The following ARRDC3 variants were observed in gnomAD, a reference collection of about 807,000 sequenced individuals.
The protein encoded by ARRDC3 is arrestin domain-containing protein 3.
Under a neutral mutation model 47.2 loss-of-function variants are expected in ARRDC3, and 10 were observed. The ratio of observed to expected loss-of-function variants is 0.21; its 90% CI spans 0.13 to 0.36. The LOEUF is 0.36. Ranked by LOEUF, ARRDC3 falls within the 10% of genes least tolerant of loss-of-function variation. ARRDC3 has a pLI of 1.00. For synonymous variants in ARRDC3, 156 were observed against 178.3 expected (o/e 0.87, Z 1.00); for missense variants, 381 against 503.6 (o/e 0.76, Z 2.33).
intron 3 of ARRDC3, 43 bp from the exon 4 acceptor site, chr5:91,375,656 G>A (rs1799284439): frequency 1.5e-6 from 2 of 1,303,510 alleles, no homozygotes; most frequent in South Asian, 1.4e-5. Context: ...TGTATGGATT[G>A]GTACAATCAA....
In ARRDC3 at chr5:91,383,118, T is replaced by C. The variant is rs368518703; in HGVS notation, c.-26A>G. Reference sequence around the variant, plus strand: ...GTTTATAACAAAATCTATAAAAATATAATGTAAGACAAAAAAGTCAAGATC... The same window carrying C: ...GTTTATAACAAAATCTATAAAAATACAATGTAAGACAAAAAAGTCAAGATC... On this transcript the variant is annotated 5_prime_UTR_variant, in exon 1 of 8. Coordinates refer to ENST00000265138, the MANE Select transcript of ARRDC3 (RefSeq NM_020801.4). The C allele has an allele frequency of 1.2e-5, 18 of 1,555,940 alleles. No homozygotes were observed. The highest frequency in any genetic ancestry group is 9.7e-5 in the South Asian group (8 of 82,406).
At position 91,369,874 on chromosome 5, in the gene ARRDC3, C is replaced by T. The variant is rs187333080; in HGVS notation, c.*1526G>A. 6.6e-6 allele frequency: 1 copy of T among 152,226 alleles called. No homozygotes were observed. Among genetic ancestry groups the T allele is most frequent in the East Asian group, 1.9e-4 (1 of 5,182 alleles). 9.4% of individuals were successfully genotyped at this position (152,226 alleles called of 1,614,324 possible). A position where few individuals can be genotyped will look rare whatever the true frequency, so the allele number is the denominator to read the frequency against. On this transcript the variant is annotated 3_prime_UTR_variant, in exon 8 of 8. Transcript: ENST00000265138. ...AACAGAAAATTACCTTTAATATAAA[C>T]TATAACTTACTGATGTGATTGTTCT... is the stretch of plus-strand genomic sequence containing the variant.
chr5:91,377,972 C>T (rs1398131544), intron 2 of ARRDC3, among the ~76,000 whole-genome samples: 3 of 152,062 alleles, frequency 2.0e-5, no homozygotes, highest in African/African-American at 7.2e-5. Context: ...ATAATCACCA[C>T]AAGTGCCATT....
chr5:91,373,079 G>A (rs1799216529), intron 7 of ARRDC3, among the ~76,000 whole-genome samples: 1 of 152,098 alleles, frequency 6.6e-6, no homozygotes, highest in Non-Finnish European at 1.5e-5. Flanking sequence ...CTTCTCAAAT[G>A]AGCTGTGCAT....
At chr5:91,375,327 T>C (rs1180397232) in intron 4 of ARRDC3, 149 bp from the exon 5 acceptor site, 2 of 957,988 alleles carry the variant, frequency 2.1e-6, no homozygotes, top group Non-Finnish European at 3.0e-6. Context: ...AGAAATGAAC[T>C]AATCAGTAGC....
rs1288249767 is a variant in ARRDC3 at position 91,368,750 on chromosome 5, A to T, written c.*2650T>A. 2.0e-5 allele frequency: 3 copies of T among 152,644 alleles called. No homozygotes were observed. Among genetic ancestry groups the T allele is most frequent in the Non-Finnish European group, 4.4e-5 (3 of 68,040 alleles). 9.5% of individuals were successfully genotyped at this position (152,644 alleles called of 1,614,324 possible). On this transcript the variant is annotated 3_prime_UTR_variant, in exon 8 of 8. Coordinates refer to ENST00000265138, the MANE Select transcript of ARRDC3 (RefSeq NM_020801.4). ...TATACAAAACAGAAAAAAACAAAAC[A>T]CTTTATTTTCCACAAGGAAGAGCAA... is the stretch of plus-strand genomic sequence containing the variant.
Position 91,375,115 on chromosome 5 carries a change from G to A in ARRDC3, c.677C>T (p.Ala226Val). Reference protein sequence around the residue: ...NCSSRMVVPKAAIYQTQAFYA... With the variant: ...NCSSRMVVPKVAIYQTQAFYA... ...GAAGGCCTGTGTTTGGTAAATGGCT[G>A]CCTTTGGCACCACCATTCGGGAAGA... The change falls in exon 5 of 8, where the codon GCA becomes GTA. Residue 226 changes from alanine to valine, a missense_variant. Ala to Val is a moderately conservative substitution (Grantham distance 64). Coordinates refer to ENST00000265138, the MANE Select transcript of ARRDC3 (RefSeq NM_020801.4). 1.2e-6 allele frequency: 2 copies of A among 1,614,088 alleles called. No individual in the cohort carries two copies. Among genetic ancestry groups the A allele is most frequent in the South Asian group, 1.1e-5 (1 of 91,084 alleles).
chr5:91,379,444 A>G (rs894850825), intron 1 of ARRDC3, among the ~76,000 whole-genome samples: 1 of 152,184 alleles, frequency 6.6e-6, no homozygotes, highest in African/African-American at 2.4e-5. Context: ...TGCATAAACT[A>G]TACCTTAGAT....
At chr5:91,379,407 C>G (rs1470737114) in intron 1 of ARRDC3, among the ~76,000 whole-genome samples, 3 of 150,958 alleles carry the variant, frequency 2.0e-5, no homozygotes, top group Non-Finnish European at 4.4e-5. Flanking sequence ...TCACAACACT[C>G]AGTTGGTCCT....
Position 91,368,764 on chromosome 5 carries a change from A to C in ARRDC3, c.*2636T>G, listed in dbSNP as rs1300024429. 6.6e-6 allele frequency: 1 copy of C among 152,658 alleles called. No individual in the cohort carries two copies. Among genetic ancestry groups the C allele is most frequent in the African/African-American group, 2.4e-5 (1 of 41,456 alleles). 9.5% of individuals were successfully genotyped at this position (152,658 alleles called of 1,614,324 possible). A position where few individuals can be genotyped will look rare whatever the true frequency, so the allele number is the denominator to read the frequency against. ...AAAAACAAAACACTTTATTTTCCAC[A>C]AGGAAGAGCAATAGGAAAAATTAAA... On this transcript the variant is annotated 3_prime_UTR_variant, in exon 8 of 8. Coordinates refer to ENST00000265138, the MANE Select transcript of ARRDC3 (RefSeq NM_020801.4).
intron 5 of ARRDC3, among the ~76,000 whole-genome samples, chr5:91,374,551 A>C (rs1799255567): frequency 6.6e-6 from 1 of 152,164 alleles, no homozygotes; most frequent in Non-Finnish European, 1.5e-5. Flanking sequence ...AAACTATGTC[A>C]TAACTTTAAG....
At chr5:91,382,680 A>C in intron 1 of ARRDC3, 133 bp downstream of exon 1, 1 of 1,010,692 alleles carries the variant, frequency 9.9e-7, no homozygotes, top group East Asian at 2.4e-5. Context: ...GGAGAATCCA[A>C]ACCTTCCAAC....
At chr5:91,373,201 A>AT (rs982420242) in intron 7 of ARRDC3, among the ~76,000 whole-genome samples, 36 of 152,334 alleles carry the variant, frequency 2.4e-4, no homozygotes, top group African/African-American at 8.7e-4. Context: ...GCTGCCATCA[A>AT]TATGAGATGA....
rs756630990 is a variant in ARRDC3, at chr5:91,375,133, C to T, written c.659G>A (p.Arg220Gln). ...IFAEIENCSS[R>Q]MVVPKAAIYQ... is the part of the protein sequence containing the mutation. ...AATGGCTGCCTTTGGCACCACCATT[C>T]GGGAAGAGCAGTTCTCAATCTCAGC... The change falls in exon 5 of 8, where the codon CGA (arginine) becomes CAA (glutamine). Residue 220 changes from arginine to glutamine, a missense_variant. Physicochemically the swap from Arg to Gln is conservative, Grantham distance 43. Coordinates refer to ENST00000265138, the MANE Select transcript of ARRDC3 (RefSeq NM_020801.4). 3 of 1,613,836 alleles carry T rather than the reference C, an allele frequency of 1.9e-6. No individual in the cohort carries two copies. Among genetic ancestry groups the T allele is most frequent in the Non-Finnish European group, 2.5e-6 (3 of 1,179,996 alleles).
At chr5:91,381,775 A>G (rs1799462611) in intron 1 of ARRDC3, among the ~76,000 whole-genome samples, 1 of 152,216 alleles carries the variant, frequency 6.6e-6, no homozygotes, top group African/African-American at 2.4e-5. Context: ...TTAACATTAT[A>G]TTCTTCTTGG....
In ARRDC3 at chr5:91,370,858, T is replaced by C. The variant is rs1311501186; in HGVS notation, c.*542A>G. The C allele has an allele frequency of 6.6e-6, 1 of 152,574 alleles. No homozygotes were observed. The highest frequency in any genetic ancestry group is 1.5e-5 in the Non-Finnish European group (1 of 68,138). 9.5% of individuals were successfully genotyped at this position (152,574 alleles called of 1,614,324 possible). On this transcript the variant is annotated 3_prime_UTR_variant, in exon 8 of 8. Coordinates refer to ENST00000265138, the MANE Select transcript of ARRDC3 (RefSeq NM_020801.4). The stretch of plus-strand genomic sequence containing the variant: ...TCAGCCTAGTAGACAATTCTGAGCA[T>C]GTGCATACGCAGGTAAAGTCCAGGC...
chr5:91,382,061 C>G (rs370571041), intron 1 of ARRDC3, among the ~76,000 whole-genome samples: 162 of 152,274 alleles, frequency 1.1e-3, no homozygotes, highest in African/African-American at 3.8e-3. Flanking sequence ...GTGCCCTATA[C>G]TTTTCAATTC....
At chr5:91,374,331 A>G in intron 5 of ARRDC3, 55 bp from the exon 6 acceptor site, 1 of 1,485,392 alleles carries the variant, frequency 6.7e-7, no homozygotes, top group Non-Finnish European at 9.2e-7. Flanking sequence ...TTTCCTTTTC[A>G]AAAACTCATA....
rs1368273769 is a variant in ARRDC3 at position 91,376,604 on chromosome 5, A to T, written c.510+17T>A. 13 of 1,582,642 alleles carry T rather than the reference A, an allele frequency of 8.2e-6. No individual in the cohort carries two copies. Among genetic ancestry groups the T allele is most frequent in the Non-Finnish European group, 9.5e-6 (11 of 1,158,730 alleles). The stretch of plus-strand genomic sequence containing the variant: ...ATATGCCAAAAACAAAGAATAAATA[A>T]TTCAGTCAATTCTTACCAGTAATGA... On this transcript the variant is annotated intron_variant, in intron 3 of 7. Transcript: ENST00000265138.
Sources: allele counts gnomAD v4.1 joint callset (sites outside exome capture counted in the v4.1 genomes callset), GRCh38; gene constraint gnomAD v4.1.1; transcripts MANE v1.5; gene names NCBI Gene and HGNC (gene_info 2026-07-23, HGNC 2026-07-21).